Variants in LRRTM4 observed in about 807,000 individuals in gnomAD.
LRRTM4 encodes leucine-rich repeat transmembrane neuronal protein 4.
In LRRTM4, 25 loss-of-function variants were observed where a neutral mutation model predicts 47.6. The ratio of observed to expected loss-of-function variants is 0.53; its 90% CI spans 0.38 to 0.73. The LOEUF (loss-of-function observed/expected upper bound fraction) is 0.73. Among genes scored for constraint, LRRTM4 ranks in the 30% least tolerant of loss-of-function variants. The pLI, the probability that LRRTM4 is intolerant of heterozygous loss-of-function variation, is 0.00. For missense variants in LRRTM4, 638 were observed against 713.4 expected, an observed-to-expected ratio of 0.89 and a Z score of 1.20; for synonymous variants, 311 against 269.5, an observed-to-expected ratio of 1.15 and a Z score of -1.51.
At chr2:76,781,828 A>G (rs1170794252) in intron 3 of LRRTM4, among the ~76,000 whole-genome samples, 1 of 151,850 alleles carries the variant, frequency 6.6e-6, no homozygotes, top group Admixed American at 6.6e-5. Flanking sequence ...ACACTTTTTT[A>G]TCTGCATTAA....
At chr2:77,410,823 C>A (rs1674389929) in intron 3 of LRRTM4, among the ~76,000 whole-genome samples, 1 of 152,098 alleles carries the variant, frequency 6.6e-6, no homozygotes, top group Non-Finnish European at 1.5e-5. Context: ...CCTGGGTCTG[C>A]ATATTTCTTT....
At chr2:77,115,468 T>G (rs1671364892) in intron 3 of LRRTM4, among the ~76,000 whole-genome samples, 1 of 152,184 alleles carries the variant, frequency 6.6e-6, no homozygotes, top group Non-Finnish European at 1.5e-5. Flanking sequence ...GAGATTAAAG[T>G]AAAGACAGGC....
At chr2:77,296,726 G>A (rs1676983838) in intron 3 of LRRTM4, among the ~76,000 whole-genome samples, 1 of 152,146 alleles carries the variant, frequency 6.6e-6, no homozygotes, top group Non-Finnish European at 1.5e-5. Context: ...TTCAGGAATT[G>A]CACTCCCCAG....
At chr2:77,124,221 C>A (rs781240960) in intron 3 of LRRTM4, among the ~76,000 whole-genome samples, 4 of 151,916 alleles carry the variant, frequency 2.6e-5, no homozygotes, top group Non-Finnish European at 4.4e-5. Context: ...ACAAAGAGAT[C>A]CAAAAACATT....
At chr2:76,926,504 C>T (rs921179849) in intron 3 of LRRTM4, among the ~76,000 whole-genome samples, 6 of 152,084 alleles carry the variant, frequency 3.9e-5, no homozygotes, top group African/African-American at 1.2e-4. Flanking sequence ...ATGTGTCTAC[C>T]GAAAAGCACA....
In LRRTM4 at chr2:77,171,022, C is replaced by T. The variant is rs1673034410; in HGVS notation, c.1551+347296G>A. Among the ~76,000 whole-genome samples the T allele has an allele frequency of 1.3e-5, 2 of 151,180 alleles. 1 individual carries two copies. The highest frequency in any genetic ancestry group is 4.2e-4 in the South Asian group (2 of 4,812). ...ATATGTATATATATTATATGCATAG[C>T]TAATATATACATATATGTGTATGCT... On this transcript the variant is annotated intron_variant, in intron 3 of 3. Coordinates refer to ENST00000409884, the MANE Select transcript of LRRTM4 (RefSeq NM_001134745.3).
At chr2:76,952,508 A>T (rs1455881222) in intron 3 of LRRTM4, among the ~76,000 whole-genome samples, 1 of 152,018 alleles carries the variant, frequency 6.6e-6, no homozygotes, top group African/African-American at 2.4e-5. Flanking sequence ...CACACCAGTC[A>T]GAATGGCTAT....
intron 3 of LRRTM4, among the ~76,000 whole-genome samples, chr2:77,321,548 G>A (rs950587952): frequency 2.3e-5 from 2 of 87,778 alleles, no homozygotes; most frequent in Admixed American, 1.0e-4. Context: ...TGGCTAAATC[G>A]GGGAGGGGGG....
intron 3 of LRRTM4, among the ~76,000 whole-genome samples, chr2:76,905,100 C>A (rs906534996): frequency 2.6e-5 from 4 of 152,240 alleles, no homozygotes; most frequent in East Asian, 1.9e-4. Context: ...AGGCACCCCC[C>A]AGTAGGGGCA....
intron 3 of LRRTM4, among the ~76,000 whole-genome samples, chr2:77,328,791 C>A (rs1171066554): frequency 6.6e-6 from 1 of 152,110 alleles, no homozygotes; most frequent in Non-Finnish European, 1.5e-5. Flanking sequence ...ACTATAGGCA[C>A]ATAAATTGAA....
At chr2:77,049,707 T>C (rs902744060) in intron 3 of LRRTM4, among the ~76,000 whole-genome samples, 16 of 152,006 alleles carry the variant, frequency 1.1e-4, no homozygotes, top group African/African-American at 3.9e-4. Context: ...GTATGATGAA[T>C]AGTATGCAAA....
chr2:77,506,220 T>C (rs1678765775), intron 3 of LRRTM4, among the ~76,000 whole-genome samples: 2 of 151,568 alleles, frequency 1.3e-5, no homozygotes, highest in Admixed American at 1.3e-4. Context: ...CCGGAGAGAA[T>C]TATAATATTT....
chr2:77,408,570 A>G (rs986567351), intron 3 of LRRTM4, among the ~76,000 whole-genome samples: 2 of 152,164 alleles, frequency 1.3e-5, no homozygotes, highest in Non-Finnish European at 2.9e-5. Context: ...GTGTTTTCTC[A>G]TAAACATTAG....
At chr2:77,116,730 TC>T (rs1270322319) in intron 3 of LRRTM4, among the ~76,000 whole-genome samples, 1 of 152,014 alleles carries the variant, frequency 6.6e-6, no homozygotes, top group African/African-American at 2.4e-5. Context: ...TTCCATTTTT[TC>T]CCAAATACAG....
chr2:76,819,788 T>G (rs149288824), intron 3 of LRRTM4, among the ~76,000 whole-genome samples: 2 of 152,030 alleles, frequency 1.3e-5, no homozygotes, highest in East Asian at 3.9e-4. Context: ...GATCTAAAAT[T>G]CTATTTTCAT....
intron 3 of LRRTM4, among the ~76,000 whole-genome samples, chr2:77,322,496 A>G (rs1488815246): frequency 1.3e-5 from 2 of 151,952 alleles, no homozygotes; most frequent in Non-Finnish European, 1.5e-5. Context: ...AATTCATTCA[A>G]CAGATACTTT....
At chr2:76,773,329 C>A (rs1222281693) in intron 3 of LRRTM4, among the ~76,000 whole-genome samples, 1 of 152,234 alleles carries the variant, frequency 6.6e-6, no homozygotes, top group Non-Finnish European at 1.5e-5. Context: ...ACTTTTCTGC[C>A]TTTGCTTCCA....
intron 3 of LRRTM4, among the ~76,000 whole-genome samples, chr2:77,187,980 TATC>T (rs965503653): frequency 1.4e-4 from 21 of 152,200 alleles, no homozygotes; most frequent in African/African-American, 4.8e-4. Flanking sequence ...TATATTTTGT[TATC>T]TTTTTAAGTA....
At chr2:77,102,952 AT>A (rs1670995740) in intron 3 of LRRTM4, among the ~76,000 whole-genome samples, 1 of 152,190 alleles carries the variant, frequency 6.6e-6, no homozygotes, top group Non-Finnish European at 1.5e-5. Context: ...ACCATGTGAC[AT>A]GGAAAGCCTA....
Sources: allele counts gnomAD v4.1 joint callset (sites outside exome capture counted in the v4.1 genomes callset), GRCh38; gene constraint gnomAD v4.1.1; transcripts MANE v1.5; gene names NCBI Gene and HGNC (gene_info 2026-07-23, HGNC 2026-07-21).